Variants in VAMP7 observed in about 807,000 individuals in gnomAD.
VAMP7 encodes the protein vesicle associated membrane protein 7, also known as vesicle-associated membrane protein 7.
Under a neutral mutation model 29.6 loss-of-function variants are expected in VAMP7, and 14 were observed. The observed-to-expected ratio is 0.47, with a 90% CI of 0.31 to 0.74. The LOEUF (loss-of-function observed/expected upper bound fraction) is 0.74, where lower values mean the gene tolerates loss of function less well. VAMP7 is among the 30% of genes least tolerant of loss of function. The pLI is 0.05. For missense variants in VAMP7, 223 were observed against 262.4 expected, an observed-to-expected ratio of 0.85 and a Z score of 1.04; for synonymous variants, 95 against 88.1, an observed-to-expected ratio of 1.08 and a Z score of -0.44.
chrX:155,900,974 G>A (rs1293628424), intron 5 of VAMP7, among the ~76,000 whole-genome samples: 8 of 152,002 alleles, frequency 5.3e-5, no homozygotes, highest in African/African-American at 1.4e-4. Flanking sequence ...TTTGCAACCA[G>A]ATAAGGAGCT....
intron 5 of VAMP7, among the ~76,000 whole-genome samples, chrX:155,911,060 A>G (rs1302206657): frequency 1.3e-5 from 2 of 152,078 alleles, no homozygotes; most frequent in East Asian, 1.9e-4. Context: ...TAGTAGGTTT[A>G]TAGTTCTGGG....
At chrX:155,930,065 C>T (rs2066525946) in intron 6 of VAMP7, among the ~76,000 whole-genome samples, 1 of 152,174 alleles carries the variant, frequency 6.6e-6, no homozygotes, top group Non-Finnish European at 1.5e-5. Context: ...TTGTCCTCTT[C>T]CCATGGAGTC....
chrX:155,942,113 G>C lies in VAMP7; in HGVS notation c.*162G>C. Reference sequence around the variant, plus strand: ...GTTCCATGCCTCCAGGTTTATCTTTGTCTTATCTACCAGTTTATTCCTGTG... The same window carrying C: ...GTTCCATGCCTCCAGGTTTATCTTTCTCTTATCTACCAGTTTATTCCTGTG... On this transcript the variant is annotated 3_prime_UTR_variant, in exon 8 of 8. Coordinates refer to ENST00000286448, the MANE Select transcript of VAMP7 (RefSeq NM_005638.6). 6.4e-7 allele frequency: 1 copy of C among 1,552,894 alleles called. No homozygotes were observed.
At chrX:155,885,633 A>T (rs1259117379) in intron 1 of VAMP7, among the ~76,000 whole-genome samples, 3 of 152,278 alleles carry the variant, frequency 2.0e-5, no homozygotes, top group Middle Eastern at 3.4e-3. Flanking sequence ...TGGGCCCTTT[A>T]TCCAATATGA....
At chrX:155,882,904 T>C (rs899508926) in intron 1 of VAMP7, among the ~76,000 whole-genome samples, 4 of 152,216 alleles carry the variant, frequency 2.6e-5, no homozygotes, top group African/African-American at 9.6e-5. Flanking sequence ...CCTAACAGTA[T>C]ACTGAGGAAA....
intron 2 of VAMP7, among the ~76,000 whole-genome samples, chrX:155,894,642 G>A (rs1035811227): frequency 5.3e-5 from 8 of 151,768 alleles, no homozygotes; most frequent in African/African-American, 1.9e-4. Flanking sequence ...TTGAAACAAG[G>A]TCTCACTTTG....
chrX:155,940,781 G>T (rs1445519159), intron 7 of VAMP7, among the ~76,000 whole-genome samples: 1 of 152,136 alleles, frequency 6.6e-6, no homozygotes, highest in African/African-American at 2.4e-5. Context: ...TGTGGCATGT[G>T]TATGTGTGAG....
intron 2 of VAMP7, among the ~76,000 whole-genome samples, chrX:155,892,606 T>C (rs1395069544): frequency 6.6e-6 from 1 of 152,158 alleles, no homozygotes; most frequent in Non-Finnish European, 1.5e-5. Context: ...AATCTCACTT[T>C]GTGTGCCTGA....
intron 6 of VAMP7, among the ~76,000 whole-genome samples, chrX:155,934,098 C>T (rs914075962): frequency 2.6e-5 from 4 of 152,144 alleles, no homozygotes; most frequent in Non-Finnish European, 4.4e-5. Flanking sequence ...TTTACATTTG[C>T]TGAGGAGTGC....
chrX:155,935,702 G>T (rs1202742915), intron 6 of VAMP7, among the ~76,000 whole-genome samples: 1 of 152,044 alleles, frequency 6.6e-6, no homozygotes, highest in African/African-American at 2.4e-5. Context: ...TTCTCAACTC[G>T]TCAAAGTCAT....
At chrX:155,929,176 T>G (rs1253920304) in intron 6 of VAMP7, among the ~76,000 whole-genome samples, 6 of 152,162 alleles carry the variant, frequency 3.9e-5, no homozygotes, top group Admixed American at 6.5e-5. Context: ...ACTATACAGT[T>G]TACACGTTTT....
At chrX:155,923,537 T>C (rs1450046952) in intron 6 of VAMP7, among the ~76,000 whole-genome samples, 1 of 151,986 alleles carries the variant, frequency 6.6e-6, no homozygotes, top group Non-Finnish European at 1.5e-5. Context: ...ACATTGTTTC[T>C]GACAAGAATT....
At chrX:155,936,975 A>G (rs1257807286) in intron 6 of VAMP7, among the ~76,000 whole-genome samples, 1 of 152,196 alleles carries the variant, frequency 6.6e-6, no homozygotes, top group African/African-American at 2.4e-5. Flanking sequence ...GACACAAATC[A>G]ATGGAAAGAT....
intron 5 of VAMP7, among the ~76,000 whole-genome samples, chrX:155,911,988 T>G (rs2066244139): frequency 6.6e-6 from 1 of 152,144 alleles, no homozygotes; most frequent in South Asian, 2.1e-4. Context: ...GGACTTCCAG[T>G]ATTGTGTTGA....
intron 2 of VAMP7, among the ~76,000 whole-genome samples, chrX:155,892,084 A>G (rs1414081747): frequency 6.6e-6 from 1 of 152,142 alleles, no homozygotes; most frequent in Non-Finnish European, 1.5e-5. Context: ...TAGCTTTAAG[A>G]GAGTATAGAA....
intron 5 of VAMP7, among the ~76,000 whole-genome samples, chrX:155,905,277 T>C (rs2066131413): frequency 6.6e-6 from 1 of 152,128 alleles, no homozygotes; most frequent in East Asian, 1.9e-4. Context: ...TATTTGTCTT[T>C]TTATGGTTGA....
At chrX:155,927,738 A>G (rs1432063629) in intron 6 of VAMP7, among the ~76,000 whole-genome samples, 1 of 147,468 alleles carries the variant, frequency 6.8e-6, no homozygotes, top group African/African-American at 2.5e-5. Context: ...TTCTTTGCAT[A>G]GAGTTTTTTA....
At chrX:155,899,813 G>C (rs1463136432) in intron 4 of VAMP7, among the ~76,000 whole-genome samples, 2 of 151,988 alleles carry the variant, frequency 1.3e-5, no homozygotes, top group Non-Finnish European at 2.9e-5. Context: ...ATCTCTACCT[G>C]TTCCTTTGTC....
intron 6 of VAMP7, among the ~76,000 whole-genome samples, chrX:155,932,403 C>A (rs1452804580): frequency 6.6e-6 from 1 of 152,118 alleles, no homozygotes; most frequent in South Asian, 2.1e-4. Flanking sequence ...GTTTGTAGTT[C>A]TCCTTGAAGA....
Sources: gnomAD v4.1 joint callset for allele counts (sites outside exome capture counted in the v4.1 genomes callset) on GRCh38, gnomAD v4.1.1 for gene constraint, MANE v1.5 for transcripts, NCBI Gene and HGNC (gene_info 2026-07-23, HGNC 2026-07-21) for gene names.